Variants in USP20 observed in about 807,000 individuals in gnomAD.
The protein encoded by USP20 is ubiquitin carboxyl-terminal hydrolase 20.
Under a neutral mutation model 124.2 loss-of-function variants are expected in USP20, and 80 were observed. The ratio of observed to expected loss-of-function variants is 0.64; its 90% CI spans 0.54 to 0.78. USP20 has a LOEUF of 0.78. USP20 is among the 30% of genes least tolerant of loss of function. The pLI, the probability that USP20 is intolerant of heterozygous loss-of-function variation, is 0.00. For missense variants in USP20, 1,043 were observed against 1,244.4 expected (o/e 0.84, Z 2.44); for synonymous variants, 481 against 512.3 (o/e 0.94, Z 0.83).
intron 1 of USP20, 84 bp downstream of exon 1, chr9:129,835,583 G>A (rs2031752990): frequency 5.8e-6 from 1 of 172,856 alleles, no homozygotes; most frequent in Non-Finnish European, 1.2e-5. Flanking sequence ...GGCTGACAGG[G>A]CCTGGCTTCG....
In USP20 at chr9:129,875,427, C is replaced by T; in HGVS notation, c.2166C>T (p.Thr722=). 1 of 1,613,750 alleles carries T rather than the reference C, an allele frequency of 6.2e-7. No homozygotes were observed. ...GCGAGTGGCTCAACAAGTTCAACAC[C>T]TTCGCGGAGCCAGGCCCCATCACCA... ...VSREWLNKFN[T]FAEPGPITNQ... is the part of the protein sequence containing the mutation. Residue 722 remains threonine, a synonymous_variant, in exon 20 of 26, where the codon ACC becomes ACT. Transcript: ENST00000372429.
chr9:129,857,396 T>G (rs2131060276), intron 4 of USP20, among the ~76,000 whole-genome samples: 1 of 152,346 alleles, frequency 6.6e-6, no homozygotes, highest in Middle Eastern at 3.4e-3. Context: ...AAGGCCCTGC[T>G]GATCACAGGT....
In USP20 at chr9:129,847,447, C is replaced by T. The variant is rs560384165; in HGVS notation, c.-128-2366C>T. Among the ~76,000 whole-genome samples the T allele has an allele frequency of 5.3e-5, 8 of 151,900 alleles. No individual in the cohort carries two copies. The South Asian group carries it at 1.2e-3, about 24-fold the overall frequency. ...CCTCCTGAGTAGCTGGAATTACAGGCGCTTCCCACCACACTCAGCTAAATT... is the reference window on the plus strand; with the variant it reads ...CCTCCTGAGTAGCTGGAATTACAGGTGCTTCCCACCACACTCAGCTAAATT... On this transcript the variant is annotated intron_variant, in intron 1 of 25. Coordinates refer to ENST00000372429, the MANE Select transcript of USP20 (RefSeq NM_001110303.4).
chr9:129,867,006 C>T (rs577496808), intron 10 of USP20, among the ~76,000 whole-genome samples: 2 of 152,218 alleles, frequency 1.3e-5, no homozygotes, highest in East Asian at 1.9e-4. Context: ...TGGAGAGAGC[C>T]GGGATCCTCT....
rs1410890615 is a variant in USP20, at chr9:129,873,680, G to A, written c.1695-19G>A. 2 of 1,613,578 alleles carry A rather than the reference G, an allele frequency of 1.2e-6. No individual in the cohort carries two copies. Among genetic ancestry groups the A allele is most frequent in the East Asian group, 2.2e-5 (1 of 44,898 alleles). ...GCCCTGATGCCGGACACTGATGCTG[G>A]CTCGTGCTTCCTCCCCAGGCTGCGG... On this transcript the variant is annotated intron_variant, in intron 16 of 25. Coordinates refer to ENST00000372429, the MANE Select transcript of USP20 (RefSeq NM_001110303.4).
chr9:129,874,543 C>T (rs781399333), intron 17 of USP20, 33 bp from the exon 18 acceptor site: 4 of 1,609,150 alleles, frequency 2.5e-6, no homozygotes, highest in East Asian at 2.2e-5. Flanking sequence ...ATCATTTCTT[C>T]CTAGATGACC....
chr9:129,863,046 A>T, intron 8 of USP20, 140 bp from the exon 9 acceptor site: 1 of 486,552 alleles, frequency 2.1e-6, no homozygotes, highest in Non-Finnish European at 3.6e-6. Flanking sequence ...GGAGCCTTCT[A>T]GTCACCTTCA....
intron 3 of USP20, 26 bp downstream of exon 3, chr9:129,852,662 A>G (rs1470614570): frequency 6.4e-7 from 1 of 1,563,250 alleles, no homozygotes; most frequent in Non-Finnish European, 8.7e-7. Flanking sequence ...TTACGGGGCC[A>G]GGGCCCACAC....
chr9:129,856,662 G>A (rs1231889325), intron 4 of USP20, among the ~76,000 whole-genome samples: 2 of 152,222 alleles, frequency 1.3e-5, no homozygotes, highest in African/African-American at 2.4e-5. Context: ...GTGAGTCAAC[G>A]TGGGTGTCTT....
chr9:129,867,804 C>T (rs887970526), intron 10 of USP20, among the ~76,000 whole-genome samples: 9 of 152,198 alleles, frequency 5.9e-5, no homozygotes, highest in Admixed American at 5.9e-4. Flanking sequence ...TTAGCCTCTC[C>T]AGTCCTCACT....
At chr9:129,835,714 C>G (rs1412207666) in intron 1 of USP20, 2 of 153,082 alleles carry the variant, frequency 1.3e-5, no homozygotes, top group Non-Finnish European at 2.9e-5. Context: ...CACCACCCCA[C>G]TCTGAGCTCC....
At chr9:129,873,769 C>T in intron 17 of USP20, 25 bp downstream of exon 17, 1 of 1,609,120 alleles carries the variant, frequency 6.2e-7, no homozygotes, top group Non-Finnish European at 8.5e-7. Flanking sequence ...TCGGCAGCCT[C>T]CTCCTCAGCT....
intron 21 of USP20, among the ~76,000 whole-genome samples, chr9:129,875,859 G>GAAGCACAGCTGAGTGTGTTGGCCATCT (rs2034371663): frequency 2.4e-4 from 33 of 136,636 alleles, no homozygotes; most frequent in African/African-American, 8.9e-4. Flanking sequence ...ACAGGAAACT[G>GAAGCACAGCTGAGTGTGTTGGCCATCT]GCTGAAGCAC....
chr9:129,851,806 C>CTTTTTTTTTT (rs112731446), intron 2 of USP20, among the ~76,000 whole-genome samples: 1 of 148,398 alleles, frequency 6.7e-6, no homozygotes, highest in Non-Finnish European at 1.5e-5. Context: ...AGCAACAGAG[C>CTTTTTTTTTT]TTTTTTTTTT....
rs1180180564 is a variant in USP20 at position 129,881,606 on chromosome 9, G to A, written c.*1156G>A. Reference sequence around the variant, plus strand: ...AGGTGGGTCCCGCAGAGGCCCTGAGGCCTCACTTTTCGGATCTTCTGTCCC... The same window carrying A: ...AGGTGGGTCCCGCAGAGGCCCTGAGACCTCACTTTTCGGATCTTCTGTCCC... On this transcript the variant is annotated 3_prime_UTR_variant, in exon 26 of 26. Coordinates refer to ENST00000372429, the MANE Select transcript of USP20 (RefSeq NM_001110303.4). 6.6e-6 allele frequency: 1 copy of A among 152,374 alleles called. No homozygotes were observed. Among genetic ancestry groups the A allele is most frequent in the Non-Finnish European group, 1.5e-5 (1 of 68,100 alleles). 9.4% of individuals were successfully genotyped at this position (152,374 alleles called of 1,614,324 possible).
chr9:129,881,256 C>G lies in USP20; in HGVS notation c.*806C>G, dbSNP rs767476126. On this transcript the variant is annotated 3_prime_UTR_variant, in exon 26 of 26. Transcript: ENST00000372429. ...GCCATTTGAGGCAAAGGCAGCTTCC[C>G]GAGCTGATGCTAAAGAAGACAGACT... The G allele has an allele frequency of 6.6e-6, 1 of 152,360 alleles. No homozygotes were observed. The highest frequency in any genetic ancestry group is 1.5e-5 in the Non-Finnish European group (1 of 68,142). The allele number at this position is 152,360 out of a possible 1,614,324, so 9.4% of individuals were successfully genotyped here.
chr9:129,861,074 G>A (rs761216731), intron 7 of USP20, 41 bp downstream of exon 7: 3 of 1,586,604 alleles, frequency 1.9e-6, no homozygotes, highest in Non-Finnish European at 2.6e-6. Flanking sequence ...GGGCTGGGCT[G>A]GGGGCCCTCA....
Position 129,863,176 on chromosome 9 carries a change from C to T in USP20, c.498-10C>T. 2.0e-6 allele frequency: 3 copies of T among 1,526,356 alleles called. No homozygotes were observed. The highest frequency in any genetic ancestry group is 2.7e-6 in the Non-Finnish European group (3 of 1,127,742). 94.6% of individuals were successfully genotyped at this position (1,526,356 alleles called of 1,614,324 possible). On this transcript the variant is annotated splice_polypyrimidine_tract_variant and intron_variant, in intron 8 of 25. Transcript: ENST00000372429. ...CTCTCCTGACCTGGCTCTCTCTCCC[C>T]TGCACCCAGCCCGCCGCTGACTCAG...
chr9:129,864,112 A>AAC (rs2033700027), intron 9 of USP20, among the ~76,000 whole-genome samples: 1 of 151,392 alleles, frequency 6.6e-6, no homozygotes, highest in East Asian at 1.9e-4. Context: ...CTCAAAAAAA[A>AAC]AAAAACAAAA....
Sources: gnomAD v4.1 joint callset for allele counts (sites outside exome capture counted in the v4.1 genomes callset) on GRCh38, gnomAD v4.1.1 for gene constraint, MANE v1.5 for transcripts, NCBI Gene and HGNC (gene_info 2026-07-23, HGNC 2026-07-21) for gene names.